Variants in SMOC2 observed in about 807,000 individuals in gnomAD.
SMOC2 encodes SPARC related modular calcium binding 2, also known as SPARC-related modular calcium-binding protein 2.
A neutral mutation model predicts 61.4 loss-of-function variants in SMOC2; 39 were observed. The observed-to-expected ratio is 0.64, with a 90% CI of 0.49 to 0.83. The LOEUF (loss-of-function observed/expected upper bound fraction) is 0.83, where lower values mean the gene tolerates loss of function less well. SMOC2 is among the 40% of genes least tolerant of loss of function. The pLI, the probability that SMOC2 is intolerant of heterozygous loss-of-function variation, is 0.00. For synonymous variants in SMOC2, 247 were observed against 239.9 expected (o/e 1.03, Z -0.27); for missense variants, 556 against 592.9 (o/e 0.94, Z 0.65).
chr6:168,625,350 T>C (rs770401499), intron 9 of SMOC2, among the ~76,000 whole-genome samples: 10 of 152,116 alleles, frequency 6.6e-5, no homozygotes, highest in Non-Finnish European at 1.3e-4. Context: ...GCAGCTTCGA[T>C]GTGGGAACGC....
In SMOC2 at chr6:168,503,698, G is replaced by C. The variant is rs61153146; in HGVS notation, c.85-6217G>C. Among the ~76,000 whole-genome samples the C allele has an allele frequency of 2.0e-5, 3 of 152,296 alleles. No homozygotes were observed. In the East Asian group the frequency reaches 5.8e-4, roughly 29 times the overall value. On this transcript the variant is annotated intron_variant, in intron 1 of 12. Transcript: ENST00000356284. The stretch of plus-strand genomic sequence containing the variant: ...GCATTAACTCTCCCCTGTTGGTGCA[G>C]AGCCCAGCGGCACCACCCATTTGTG...
chr6:168,656,523 A>AAG (rs1369231322), intron 11 of SMOC2, among the ~76,000 whole-genome samples: 2 of 145,600 alleles, frequency 1.4e-5, no homozygotes, highest in Non-Finnish European at 3.0e-5. Flanking sequence ...AAAAAAAAAA[A>AAG]AAAAAAAGAA....
chr6:168,579,987 A>G (rs1784886696), intron 7 of SMOC2, among the ~76,000 whole-genome samples: 2 of 152,160 alleles, frequency 1.3e-5, no homozygotes, highest in Non-Finnish European at 2.9e-5. Context: ...GAGGATACAG[A>G]GAGAGGTAGG....
intron 9 of SMOC2, among the ~76,000 whole-genome samples, chr6:168,643,004 G>A (rs1297507554): frequency 1.3e-5 from 2 of 152,172 alleles, no homozygotes; most frequent in South Asian, 2.1e-4. Context: ...TGTTCCACAT[G>A]TCCATCTCTG....
At position 168,666,445 on chromosome 6, in the gene SMOC2, C is replaced by T; in HGVS notation, c.*7C>T. 1 of 1,613,848 alleles carries T rather than the reference C, an allele frequency of 6.2e-7. No individual in the cohort carries two copies. Among genetic ancestry groups the T allele is most frequent in the South Asian group, 1.1e-5 (1 of 91,074 alleles). On this transcript the variant is annotated 3_prime_UTR_variant, in exon 13 of 13. Transcript: ENST00000356284. ...GCCAAGGAAACAAGGATAAATGGCT[C>T]ATACCCCGAAGGCAGTTCCTAGACA...
chr6:168,462,724 A>G (rs907113838), intron 1 of SMOC2, among the ~76,000 whole-genome samples: 5 of 152,172 alleles, frequency 3.3e-5, no homozygotes, highest in Admixed American at 6.5e-5. Flanking sequence ...CAGAGGACTC[A>G]GGGAGAAAAA....
chr6:168,464,992 G>A (rs546446166), intron 1 of SMOC2, among the ~76,000 whole-genome samples: 84 of 152,292 alleles, frequency 5.5e-4, no homozygotes, highest in African/African-American at 1.9e-3. Context: ...AGACTGCAGG[G>A]CAGCCCTGCC....
intron 4 of SMOC2, among the ~76,000 whole-genome samples, chr6:168,534,955 G>T (rs557934983): frequency 2.2e-4 from 33 of 152,074 alleles, no homozygotes; most frequent in Non-Finnish European, 4.3e-4. Context: ...TGCTTCTAGA[G>T]ATTTTATTTT....
chr6:168,568,772 A>G (rs1255843067), intron 7 of SMOC2, among the ~76,000 whole-genome samples: 1 of 152,172 alleles, frequency 6.6e-6, no homozygotes, highest in African/African-American at 2.4e-5. Flanking sequence ...AGTCTGACTC[A>G]TATAGTATGC....
chr6:168,517,899 A>G (rs527545299), intron 2 of SMOC2, among the ~76,000 whole-genome samples: 2 of 152,310 alleles, frequency 1.3e-5, no homozygotes, highest in Admixed American at 1.3e-4. Context: ...CCAGACTCTC[A>G]GGGCTACAAG....
chr6:168,547,739 A>G (rs947462309), intron 6 of SMOC2, among the ~76,000 whole-genome samples: 1 of 151,922 alleles, frequency 6.6e-6, no homozygotes, highest in African/African-American at 2.4e-5. Flanking sequence ...GGGATAAAAG[A>G]GCAAACTCAA....
chr6:168,467,844 C>T, intron 1 of SMOC2, among the ~76,000 whole-genome samples: 1 of 152,166 alleles, frequency 6.6e-6, no homozygotes, highest in Non-Finnish European at 1.5e-5. Flanking sequence ...GATTATTTTC[C>T]TTTTGATACT....
chr6:168,473,451 G>A (rs1237463627), intron 1 of SMOC2, among the ~76,000 whole-genome samples: 2 of 152,134 alleles, frequency 1.3e-5, no homozygotes, highest in African/African-American at 2.4e-5. Context: ...TGTGCCCTGC[G>A]GTGAGCCTGT....
chr6:168,469,003 T>G (rs765189551), intron 1 of SMOC2, among the ~76,000 whole-genome samples: 1 of 152,198 alleles, frequency 6.6e-6, no homozygotes, highest in Non-Finnish European at 1.5e-5. Flanking sequence ...AGCTGGCATT[T>G]TGGGATTACT....
At chr6:168,466,489 T>C (rs954340706) in intron 1 of SMOC2, among the ~76,000 whole-genome samples, 7 of 152,162 alleles carry the variant, frequency 4.6e-5, no homozygotes, top group African/African-American at 1.7e-4. Flanking sequence ...TGAGAGACAC[T>C]TGGGCAGCAT....
chr6:168,580,782 A>G (rs1412207795), intron 7 of SMOC2, among the ~76,000 whole-genome samples: 1 of 152,124 alleles, frequency 6.6e-6, no homozygotes, highest in East Asian at 1.9e-4. Context: ...GGCTTAAGTG[A>G]TCCTCCTACC....
intron 1 of SMOC2, among the ~76,000 whole-genome samples, chr6:168,506,749 G>T (rs574893602): frequency 1.6e-4 from 25 of 152,318 alleles, no homozygotes; most frequent in South Asian, 1.0e-3. Context: ...CAATTGTGGG[G>T]TTTTTTAATA....
chr6:168,587,339 G>A (rs963954966), intron 7 of SMOC2, among the ~76,000 whole-genome samples: 5 of 152,228 alleles, frequency 3.3e-5, no homozygotes, highest in African/African-American at 1.2e-4. Flanking sequence ...AATTTGGAAA[G>A]TTTATTTTGC....
intron 7 of SMOC2, among the ~76,000 whole-genome samples, chr6:168,581,818 C>T (rs991675741): frequency 1.5e-4 from 23 of 152,264 alleles, no homozygotes; most frequent in Middle Eastern, 3.4e-3. Context: ...CCTCATTGAC[C>T]GGGGCTGGGT....
Sources: gnomAD v4.1 joint callset for allele counts (sites outside exome capture counted in the v4.1 genomes callset) on GRCh38, gnomAD v4.1.1 for gene constraint, MANE v1.5 for transcripts, NCBI Gene and HGNC (gene_info 2026-07-23, HGNC 2026-07-21) for gene names.